Variants in CNST observed in about 807,000 individuals in gnomAD.
The protein encoded by CNST is consortin.
CNST carries 39 observed loss-of-function variants against 72.4 expected under a neutral mutation model. The observed-to-expected ratio is 0.54, with a 90% CI of 0.42 to 0.70. The LOEUF is 0.70. Ranked by LOEUF, CNST falls within the 30% of genes least tolerant of loss-of-function variation. The pLI, the probability that CNST is intolerant of heterozygous loss-of-function variation, is 0.00. For synonymous variants in CNST, 332 were observed against 320.1 expected, an observed-to-expected ratio of 1.04 and a Z score of -0.40; for missense variants, 871 against 868.5, an observed-to-expected ratio of 1.00 and a Z score of -0.04.
At chr1:246,646,003 G>T (rs989742621) in intron 8 of CNST, among the ~76,000 whole-genome samples, 4 of 151,936 alleles carry the variant, frequency 2.6e-5, no homozygotes, top group African/African-American at 9.7e-5. Context: ...GAAGTTGCTC[G>T]GCGTGGTGGC....
chr1:246,639,352 G>A (rs929782248), intron 6 of CNST, among the ~76,000 whole-genome samples: 1 of 152,068 alleles, frequency 6.6e-6, no homozygotes, highest in Non-Finnish European at 1.5e-5. Flanking sequence ...GGCAAGTAGA[G>A]CAAAGGAAGG....
At position 246,615,818 on chromosome 1, in the gene CNST, C is replaced by T. The variant is rs186034234; in HGVS notation, c.380-5611C>T. Among the ~76,000 whole-genome samples, 280 of 151,622 alleles carry T rather than the reference C, an allele frequency of 1.8e-3. 1 individual carries two copies. Among genetic ancestry groups the T allele is most frequent in the African/African-American group, 6.3e-3 (262 of 41,334 alleles). Reference sequence around the variant, plus strand: ...GCTTGAACCCAGGAGGTGGAGGTTGCGGTGAGCCGAGATTGTGCAATTGCA... The same window carrying T: ...GCTTGAACCCAGGAGGTGGAGGTTGTGGTGAGCCGAGATTGTGCAATTGCA... On this transcript the variant is annotated intron_variant, in intron 2 of 10. Transcript: ENST00000366513.
Position 246,647,931 on chromosome 1 carries a change from A to G in CNST, c.1730A>G (p.Gln577Arg). 1 of 1,613,632 alleles carries G rather than the reference A, an allele frequency of 6.2e-7. No individual in the cohort carries two copies. The highest frequency in any genetic ancestry group is 8.5e-7 in the Non-Finnish European group (1 of 1,179,774). The change falls in exon 9 of 11, where the codon CAA (glutamine) becomes CGA (arginine). Residue 577 changes from glutamine (Q) to arginine (R), a missense_variant. Coordinates refer to ENST00000366513, the MANE Select transcript of CNST (RefSeq NM_152609.3). Reference sequence around the variant, plus strand: ...CAAGACGACGACTCCGATCTCCTTCAAGATCTCTCTCCTGAAGAAGCATCC... The same window carrying G: ...CAAGACGACGACTCCGATCTCCTTCGAGATCTCTCTCCTGAAGAAGCATCC... ...DNQDDDSDLL[Q>R]DLSPEEASYS...
At chr1:246,638,907 G>A (rs927152567) in intron 6 of CNST, among the ~76,000 whole-genome samples, 6 of 152,204 alleles carry the variant, frequency 3.9e-5, no homozygotes, top group Non-Finnish European at 7.3e-5. Context: ...GAGTTTCTAT[G>A]AATAGAGCAT....
At chr1:246,602,485 C>T (rs996705006) in intron 2 of CNST, among the ~76,000 whole-genome samples, 7 of 152,214 alleles carry the variant, frequency 4.6e-5, no homozygotes, top group African/African-American at 1.7e-4. Context: ...TGGCCCACTC[C>T]ACAGGGCTGC....
intron 1 of CNST, among the ~76,000 whole-genome samples, chr1:246,568,002 A>T (rs957009623): frequency 7.9e-5 from 12 of 151,752 alleles, no homozygotes; most frequent in Non-Finnish European, 1.5e-4. Flanking sequence ...CTGACTTTTT[A>T]AAAAAAACAC....
intron 1 of CNST, among the ~76,000 whole-genome samples, chr1:246,581,032 C>T (rs749340044): frequency 5.3e-5 from 8 of 152,142 alleles, no homozygotes; most frequent in Admixed American, 1.3e-4. Context: ...CGCCACCACG[C>T]CCAGCCTGAA....
At position 246,648,050 on chromosome 1, in the gene CNST, T is replaced by A; in HGVS notation, c.1836+13T>A. 1 of 1,580,716 alleles carries A rather than the reference T, an allele frequency of 6.3e-7. No individual in the cohort carries two copies. The highest frequency in any genetic ancestry group is 8.6e-7 in the Non-Finnish European group (1 of 1,166,340). On this transcript the variant is annotated intron_variant, in intron 9 of 10. Coordinates refer to ENST00000366513, the MANE Select transcript of CNST (RefSeq NM_152609.3). ...AGAGATTGCAGAGGTAAATCAGAGA[T>A]GAAGTACAATTAAAAGTAAAATGGC...
chr1:246,659,395 C>T (rs369311987), intron 9 of CNST, among the ~76,000 whole-genome samples: 22 of 152,234 alleles, frequency 1.4e-4, no homozygotes, highest in Admixed American at 4.6e-4. Context: ...GAGATCGAGA[C>T]CATCCTGGCT....
intron 10 of CNST, among the ~76,000 whole-genome samples, chr1:246,662,371 A>G (rs1393125689): frequency 6.6e-6 from 1 of 152,106 alleles, no homozygotes; most frequent in African/African-American, 2.4e-5. Context: ...GAAACAGGTG[A>G]GATGAATTTT....
rs545166481 is a variant in CNST at position 246,614,066 on chromosome 1, C to T, written c.380-7363C>T. On this transcript the variant is annotated intron_variant, in intron 2 of 10. Coordinates refer to ENST00000366513, the MANE Select transcript of CNST (RefSeq NM_152609.3). ...CAGCTTAGTTTATGCATCAGTAACA[C>T]TACAGGTTGAACATCCCTTATCCAA... Among the ~76,000 whole-genome samples the T allele has an allele frequency of 1.4e-3, 208 of 152,106 alleles. 2 individuals are homozygous for T. In the South Asian group the frequency reaches 0.015, roughly 11 times the overall value.
At chr1:246,582,700 A>G (rs1382427388) in intron 1 of CNST, among the ~76,000 whole-genome samples, 1 of 152,128 alleles carries the variant, frequency 6.6e-6, no homozygotes, top group Non-Finnish European at 1.5e-5. Context: ...CTCTTATTCC[A>G]AAGTCTAACT....
At chr1:246,590,621 A>G (rs3006082) in intron 1 of CNST, among the ~76,000 whole-genome samples, 67,377 of 146,150 alleles carry the variant, frequency 0.46, 16,469 homozygotes, top group Non-Finnish European at 0.55. Context: ...ATTAAGTTGA[A>G]GAATCTTTAG....
intron 2 of CNST, among the ~76,000 whole-genome samples, chr1:246,613,655 CTCTCT>C (rs1396747688): frequency 5.2e-4 from 2 of 3,844 alleles, no homozygotes; most frequent in East Asian, 0.012. Flanking sequence ...TTCTCTCTCT[CTCTCT>C]CCTCCTCTCT....
intron 9 of CNST, among the ~76,000 whole-genome samples, chr1:246,652,831 C>T (rs575014206): frequency 4.5e-3 from 669 of 148,646 alleles, no homozygotes; most frequent in East Asian, 6.7e-3. Flanking sequence ...GGTGAAACCC[C>T]GTCTCTACTA....
At chr1:246,660,461 C>T (rs912052963) in intron 10 of CNST, 127 bp downstream of exon 10, 1 of 994,492 alleles carries the variant, frequency 1.0e-6, no homozygotes, top group African/African-American at 1.6e-5. Context: ...CACGGTGGCT[C>T]ACACCTGTAA....
intron 9 of CNST, among the ~76,000 whole-genome samples, chr1:246,648,774 A>G (rs1379894209): frequency 3.9e-5 from 6 of 152,222 alleles, no homozygotes; most frequent in African/African-American, 1.4e-4. Context: ...TCTGAAAATT[A>G]GGATACTAGC....
At chr1:246,656,192 A>G (rs1167160681) in intron 9 of CNST, among the ~76,000 whole-genome samples, 1 of 152,050 alleles carries the variant, frequency 6.6e-6, no homozygotes, top group Admixed American at 6.5e-5. Flanking sequence ...GTGACTTGGT[A>G]TCTGTTTTCT....
In CNST at chr1:246,586,094, GAT is replaced by G. The variant is rs1204155348; in HGVS notation, c.-51-5401_-51-5400del. Among the ~76,000 whole-genome samples the G allele has an allele frequency of 4.6e-3, 603 of 130,648 alleles. 4 individuals carry two copies. Among genetic ancestry groups the G allele is most frequent in the African/African-American group, 8.5e-3 (285 of 33,334 alleles). 85.7% of individuals were successfully genotyped at this position (130,648 alleles called of 152,430 possible). A position where few individuals can be genotyped will look rare whatever the true frequency, so the allele number is the denominator to read the frequency against. On this transcript the variant is annotated intron_variant, in intron 1 of 10. Coordinates refer to ENST00000366513, the MANE Select transcript of CNST (RefSeq NM_152609.3). ...GACCATGTCTTGGGGGAGAGGGGGA[GAT>G]ATATATATATATATATGTGTGTGTG...
Sources: gnomAD v4.1 joint callset for allele counts (sites outside exome capture counted in the v4.1 genomes callset) on GRCh38, gnomAD v4.1.1 for gene constraint, MANE v1.5 for transcripts, NCBI Gene and HGNC (gene_info 2026-07-23, HGNC 2026-07-21) for gene names.